Variants in ANKRD62 observed in about 807,000 individuals in gnomAD.
ANKRD62 encodes ankyrin repeat domain-containing protein 62.
ANKRD62 carries 61 observed loss-of-function variants against 98.8 expected under a neutral mutation model. The ratio of observed to expected loss-of-function variants is 0.62; its 90% CI spans 0.50 to 0.76. ANKRD62 has a LOEUF of 0.76. Among genes scored for constraint, ANKRD62 ranks in the 30% least tolerant of loss-of-function variants. The pLI, the probability that ANKRD62 is intolerant of heterozygous loss-of-function variation, is 0.00. For missense variants in ANKRD62, 933 were observed against 1,082.9 expected (o/e 0.86, Z 1.94); for synonymous variants, 341 against 367.9 (o/e 0.93, Z 0.84).
At chr18:12,097,915 C>A in intron 5 of ANKRD62, 138 bp downstream of exon 5, 3 of 993,974 alleles carry the variant, frequency 3.0e-6, no homozygotes, top group South Asian at 1.9e-5. Flanking sequence ...ACTTCATCAG[C>A]CAGAAATCAA....
chr18:12,107,190 T>TAATA, intron 7 of ANKRD62, 105 bp from the exon 8 acceptor site: 1 of 523,846 alleles, frequency 1.9e-6, no homozygotes, highest in Non-Finnish European at 3.0e-6. Flanking sequence ...ATGTCATGAC[T>TAATA]AATATGACAG....
the ANKRD62 span, among the ~76,000 whole-genome samples, chr18:12,171,504 T>G: frequency 0.31 from 46,904 of 152,098 alleles, 7,839 homozygotes; most frequent in Middle Eastern, 0.4. Context: ...TGCCGAGAGA[T>G]CCGCTGTTAG....
chr18:12,118,505 A>G (rs952102698), intron 10 of ANKRD62, among the ~76,000 whole-genome samples: 35 of 151,480 alleles, frequency 2.3e-4, no homozygotes, highest in Admixed American at 6.6e-5. Context: ...GCTACTCAGG[A>G]GGCTGAAGCA....
chr18:12,153,367 G>A, the ANKRD62 span, among the ~76,000 whole-genome samples: 2 of 152,070 alleles, frequency 1.3e-5, no homozygotes, highest in South Asian at 2.1e-4. Context: ...AAAGTGGGGT[G>A]AATCACTTAA....
chr18:12,111,862 G>A (rs1267131370), intron 8 of ANKRD62, among the ~76,000 whole-genome samples: 1 of 152,060 alleles, frequency 6.6e-6, no homozygotes, highest in Non-Finnish European at 1.5e-5. Flanking sequence ...AGAGGGGAAA[G>A]ATCTCTACAA....
chr18:12,151,328 A>G, the ANKRD62 span, among the ~76,000 whole-genome samples: 1 of 152,176 alleles, frequency 6.6e-6, no homozygotes, highest in African/African-American at 2.4e-5. Context: ...GACTCCCTCA[A>G]AATAATAGTG....
the ANKRD62 span, among the ~76,000 whole-genome samples, chr18:12,139,976 A>G: frequency 6.6e-6 from 1 of 152,190 alleles, no homozygotes; most frequent in Non-Finnish European, 1.5e-5. Context: ...TGTCACTTTC[A>G]GGTACACCAA....
At chr18:12,131,053 C>T (rs1190914679), downstream of ANKRD62, among the ~76,000 whole-genome samples, 2 of 152,158 alleles carry the variant, frequency 1.3e-5, no homozygotes, top group African/African-American at 4.8e-5. Flanking sequence ...CCACCACAGC[C>T]TGTCACATGA....
intron 10 of ANKRD62, among the ~76,000 whole-genome samples, chr18:12,118,303 T>A (rs1909709264): frequency 6.6e-6 from 1 of 152,168 alleles, no homozygotes; most frequent in South Asian, 2.1e-4. Flanking sequence ...ATAGTTGGAA[T>A]CATACAGAAA....
intron 6 of ANKRD62, chr18:12,102,028 C>A: frequency 7.2e-7 from 1 of 1,383,840 alleles, no homozygotes; most frequent in Admixed American, 1.7e-5. Context: ...TTTGCAGATG[C>A]CCACATCATG....
the ANKRD62 span, among the ~76,000 whole-genome samples, chr18:12,136,224 G>A: frequency 6.6e-6 from 1 of 151,792 alleles, no homozygotes. Context: ...TTTTGTATAA[G>A]GTGTAAGGAA....
chr18:12,115,512 A>G lies in ANKRD62; in HGVS notation c.1218A>G (p.Glu406=), dbSNP rs1360458352. The G allele has an allele frequency of 6.5e-7, 1 of 1,537,038 alleles. No homozygotes were observed. Residue 406 remains glutamate, a synonymous_variant, in exon 10 of 14, where the codon GAA becomes GAG. Coordinates refer to ENST00000587848, the MANE Select transcript of ANKRD62 (RefSeq NM_001277333.2). ...SDDENFMLLI[E]QSGMECKDFV... The stretch of plus-strand genomic sequence containing the variant: ...ATGAGAATTTTATGTTACTCATTGA[A>G]CAAAGTGGAATGGAGTGTAAAGGTA...
intron 5 of ANKRD62, among the ~76,000 whole-genome samples, chr18:12,098,220 G>T (rs921837602): frequency 4.6e-5 from 7 of 152,240 alleles, no homozygotes; most frequent in Admixed American, 2.0e-4. Flanking sequence ...CCAACTTGTG[G>T]TTGGCCCCTC....
the ANKRD62 span, among the ~76,000 whole-genome samples, chr18:12,151,913 A>G: frequency 1.3e-5 from 2 of 152,118 alleles, no homozygotes; most frequent in African/African-American, 4.8e-5. Context: ...TACAAGTAAC[A>G]TGAGTAACTA....
At position 12,124,300 on chromosome 18, in the gene ANKRD62, G is replaced by C; in HGVS notation, c.1618G>C (p.Val540Leu). 2.4e-6 allele frequency: 3 copies of C among 1,231,434 alleles called. No individual in the cohort carries two copies. Among genetic ancestry groups the C allele is most frequent in the Non-Finnish European group, 3.3e-6 (3 of 914,088 alleles). 76.3% of individuals were successfully genotyped at this position (1,231,434 alleles called of 1,614,324 possible). ...ATCATTGGAAGTGGAATTGAAGACT[G>C]TAAGAAGTAACTCAAATCAGGTAAA... Reference protein sequence around the residue: ...LKSLEVELKTVRSNSNQNFHT... With the variant: ...LKSLEVELKTLRSNSNQNFHT... Residue 540 changes from valine to leucine, a missense_variant, in exon 12 of 14, where the codon GTA becomes CTA. Val to Leu is a conservative substitution (Grantham distance 32, BLOSUM62 1). Transcript: ENST00000587848.
the ANKRD62 span, among the ~76,000 whole-genome samples, chr18:12,139,504 G>A: frequency 6.6e-6 from 1 of 152,058 alleles, no homozygotes; most frequent in Non-Finnish European, 1.5e-5. Flanking sequence ...AAATGAGCCG[G>A]ACGTGGTGGC....
At chr18:12,117,174 C>T (rs76747336) in intron 10 of ANKRD62, among the ~76,000 whole-genome samples, 2,896 of 152,160 alleles carry the variant, frequency 0.019, 85 homozygotes, top group African/African-American at 0.065. Context: ...AGATTTGATC[C>T]GATTTTCTAC....
At chr18:12,110,646 C>T (rs1351399902) in intron 8 of ANKRD62, among the ~76,000 whole-genome samples, 1 of 152,150 alleles carries the variant, frequency 6.6e-6, no homozygotes, top group East Asian at 1.9e-4. Flanking sequence ...CTTGAACTCA[C>T]TGCTGTAATT....
At chr18:12,151,396 T>C in the ANKRD62 span, among the ~76,000 whole-genome samples, 3 of 152,196 alleles carry the variant, frequency 2.0e-5, no homozygotes, top group Non-Finnish European at 4.4e-5. Context: ...AACAAAGGTA[T>C]ATGGGACCTG....
Sources: gnomAD v4.1 joint callset for allele counts (sites outside exome capture counted in the v4.1 genomes callset) on GRCh38, gnomAD v4.1.1 for gene constraint, MANE v1.5 for transcripts, NCBI Gene and HGNC (gene_info 2026-07-23, HGNC 2026-07-21) for gene names.